Variants in ARID4A observed in about 807,000 individuals in gnomAD.
ARID4A encodes the protein AT-rich interactive domain-containing protein 4A.
ARID4A carries 39 observed loss-of-function variants against 148.6 expected under a neutral mutation model. That is an observed-to-expected ratio of 0.26 (90% CI 0.20 to 0.34). The LOEUF is 0.34. Among genes scored for constraint, ARID4A ranks in the 10% least tolerant of loss-of-function variants. The pLI, the probability that ARID4A is intolerant of heterozygous loss-of-function variation, is 1.00. For missense variants in ARID4A, 1,265 were observed against 1,449.1 expected (o/e 0.87, Z 2.06); for synonymous variants, 475 against 481.2 (o/e 0.99, Z 0.17).
chr14:58,322,632 A>G (rs769631969), intron 7 of ARID4A, among the ~76,000 whole-genome samples: 8 of 151,968 alleles, frequency 5.3e-5, no homozygotes, highest in Non-Finnish European at 8.8e-5. Context: ...ACTTTAATAA[A>G]CTCCAACATT....
rs1304468867 is a variant in ARID4A, at chr14:58,351,333, CT to C, written c.1655+12del. On this transcript the variant is annotated intron_variant, in intron 16 of 23. Coordinates refer to ENST00000355431, the MANE Select transcript of ARID4A (RefSeq NM_002892.4). ...AGAAAAGCCAAGAGAGGTACATTATCTTATGTTTGTTCTCCAGAAGCACCTG... is the reference window on the plus strand; with the variant it reads ...AGAAAAGCCAAGAGAGGTACATTATCTATGTTTGTTCTCCAGAAGCACCTG... 1 of 1,587,056 alleles carries C rather than the reference CT, an allele frequency of 6.3e-7. No individual in the cohort carries two copies. The highest frequency in any genetic ancestry group is 8.5e-7 in the Non-Finnish European group (1 of 1,172,978).
At chr14:58,319,426 G>A (rs1202474664) in intron 7 of ARID4A, among the ~76,000 whole-genome samples, 2 of 150,140 alleles carry the variant, frequency 1.3e-5, no homozygotes, top group Non-Finnish European at 3.0e-5. Context: ...TATTTTAAGT[G>A]AGTATATGTT....
chr14:58,303,896 G>A (rs1049575266), intron 3 of ARID4A: 2 of 161,688 alleles, frequency 1.2e-5, no homozygotes, highest in Middle Eastern at 3.0e-3. Flanking sequence ...GATAACTTGA[G>A]GCTAGAAGTT....
chr14:58,318,200 T>A (rs1054849333), intron 5 of ARID4A, among the ~76,000 whole-genome samples: 16 of 152,212 alleles, frequency 1.1e-4, no homozygotes, highest in South Asian at 6.2e-4. Context: ...ATACTTTTTT[T>A]AATCAGGTTT....
chr14:58,323,067 A>G (rs1942746404), intron 7 of ARID4A, among the ~76,000 whole-genome samples: 1 of 150,226 alleles, frequency 6.7e-6, no homozygotes, highest in Admixed American at 6.6e-5. Flanking sequence ...CCTTAAGTAA[A>G]CCTTATGGGT....
chr14:58,360,818 G>C, intron 18 of ARID4A, 83 bp from the exon 19 acceptor site: 1 of 1,393,142 alleles, frequency 7.2e-7, no homozygotes, highest in South Asian at 1.3e-5. Context: ...CCTTTTTTGA[G>C]ATGTAGTTTT....
chr14:58,325,520 G>C (rs1451880276), intron 8 of ARID4A, among the ~76,000 whole-genome samples: 1 of 152,116 alleles, frequency 6.6e-6, no homozygotes, highest in Non-Finnish European at 1.5e-5. Flanking sequence ...CCTGGGCTCA[G>C]ACAATGGCCT....
At chr14:58,347,946 A>T in intron 15 of ARID4A, 68 bp downstream of exon 15, 1 of 1,076,556 alleles carries the variant, frequency 9.3e-7, no homozygotes. Flanking sequence ...AGCCATTTTC[A>T]TATATACACA....
rs769374527 is a variant in ARID4A at position 58,299,811 on chromosome 14, G to C, written c.-44G>C. 14 of 1,614,170 alleles carry C rather than the reference G, an allele frequency of 8.7e-6. No individual in the cohort carries two copies. In the Middle Eastern group the frequency reaches 4.9e-4, roughly 57 times the overall value. On this transcript the variant is annotated 5_prime_UTR_variant, in exon 2 of 24. Coordinates refer to ENST00000355431, the MANE Select transcript of ARID4A (RefSeq NM_002892.4). ...CCCTCCCCATAGTTCTAGCGACTGC[G>C]AAGATAGCTCGCTGAGCTGGAACCC...
intron 11 of ARID4A, among the ~76,000 whole-genome samples, chr14:58,337,080 C>T (rs552223360): frequency 7.6e-4 from 114 of 150,166 alleles, no homozygotes; most frequent in Non-Finnish European, 1.4e-3. Flanking sequence ...TTAGTAGGGA[C>T]GAGGTTTCAC....
chr14:58,303,818 A>G (rs970330619), intron 3 of ARID4A: 2 of 196,080 alleles, frequency 1.0e-5, no homozygotes, highest in Non-Finnish European at 2.2e-5. Context: ...ATGCATGTTA[A>G]AAGTTTAAGA....
At chr14:58,317,535 C>T (rs1041861151) in intron 5 of ARID4A, among the ~76,000 whole-genome samples, 1 of 151,388 alleles carries the variant, frequency 6.6e-6, no homozygotes, top group African/African-American at 2.4e-5. Flanking sequence ...TCGTGATCCG[C>T]CCACCTCGCC....
intron 7 of ARID4A, among the ~76,000 whole-genome samples, chr14:58,319,948 C>CTTT (rs1011938946): frequency 6.3e-5 from 8 of 127,188 alleles, no homozygotes; most frequent in Non-Finnish European, 8.6e-5. Flanking sequence ...TTTTTCTTTT[C>CTTT]TTTTTTTTTT....
chr14:58,299,744 C>A, intron 1 of ARID4A, 54 bp from the exon 2 acceptor site: 2 of 1,477,614 alleles, frequency 1.4e-6, no homozygotes, highest in South Asian at 1.1e-5. Context: ...TTCCCTTGGT[C>A]GCTCCCCGCA....
intron 5 of ARID4A, among the ~76,000 whole-genome samples, chr14:58,317,252 A>AT (rs920054318): frequency 4.0e-5 from 6 of 148,360 alleles, no homozygotes; most frequent in East Asian, 2.0e-4. Flanking sequence ...TGTAATTATG[A>AT]TTTTTTTTAA....
At position 58,318,554 on chromosome 14, in the gene ARID4A, G is replaced by T; in HGVS notation, c.287G>T (p.Gly96Val). The T allele has an allele frequency of 6.2e-7, 1 of 1,614,112 alleles. No individual in the cohort carries two copies. The highest frequency in any genetic ancestry group is 8.5e-7 in the Non-Finnish European group (1 of 1,179,990). The change falls in exon 6 of 24, where the codon GGT becomes GTT. Residue 96 changes from glycine to valine, a missense_variant. Coordinates refer to ENST00000355431, the MANE Select transcript of ARID4A (RefSeq NM_002892.4). ...TTGCTTATTATAGTGTTTGATGATG[G>T]TGATGAGCGAACATTGAGACGTACC... is the stretch of plus-strand genomic sequence containing the variant. ...ASWYTVVFDD[G>V]DERTLRRTSL... is the part of the protein sequence containing the mutation.
chr14:58,331,007 A>G (rs966414244), intron 11 of ARID4A, among the ~76,000 whole-genome samples: 1 of 152,228 alleles, frequency 6.6e-6, no homozygotes, highest in East Asian at 1.9e-4. Flanking sequence ...TTTGAGCATG[A>G]AAAATATTGG....
intron 23 of ARID4A, among the ~76,000 whole-genome samples, chr14:58,367,839 A>C (rs1256692667): frequency 2.0e-5 from 3 of 152,220 alleles, no homozygotes; most frequent in Non-Finnish European, 4.4e-5. Context: ...TGGAAGCTGC[A>C]TAACAGATGG....
chr14:58,299,402 G>T (rs1467999519), intron 1 of ARID4A: 1 of 160,384 alleles, frequency 6.2e-6, no homozygotes, highest in Admixed American at 6.5e-5. Flanking sequence ...CGGAGGCGGG[G>T]CGCGGGCCGA....
Sources: allele counts gnomAD v4.1 joint callset (sites outside exome capture counted in the v4.1 genomes callset), GRCh38; gene constraint gnomAD v4.1.1; transcripts MANE v1.5; gene names NCBI Gene and HGNC (gene_info 2026-07-23, HGNC 2026-07-21).